The following ASTN1 variants were observed in gnomAD, a reference collection of about 807,000 sequenced individuals.
ASTN1 encodes astrotactin 1, also known as astrotactin-1.
In ASTN1, 41 loss-of-function variants were observed where a neutral mutation model predicts 140.7. The observed-to-expected ratio is 0.29, with a 90% CI of 0.23 to 0.38. The LOEUF is 0.38. ASTN1 is among the 10% of genes least tolerant of loss of function. ASTN1 has a pLI of 1.00. For synonymous variants in ASTN1, 640 were observed against 652.2 expected (o/e 0.98, Z 0.29); for missense variants, 1,479 against 1,678.8 (o/e 0.88, Z 2.08).
At chr1:176,958,890 C>T (rs756425004) in intron 9 of ASTN1, among the ~76,000 whole-genome samples, 2 of 152,188 alleles carry the variant, frequency 1.3e-5, no homozygotes, top group Non-Finnish European at 2.9e-5. Flanking sequence ...TGGCATCTCT[C>T]TGTGACTGGA....
Position 176,876,589 on chromosome 1 carries a change from G to A in ASTN1, c.3411C>T (p.Ser1137=), listed in dbSNP as rs143931548. The A allele has an allele frequency of 9.5e-4, 1,530 of 1,614,114 alleles. 3 individuals are homozygous for A. Among genetic ancestry groups the A allele is most frequent in the Non-Finnish European group, 1.2e-3 (1,362 of 1,180,018 alleles). ...VDNTGRRSRP[S]DVIVKTPCPV... ...GGCATGGGGTCTTCACGATCACGTC[G>A]CTTGGCCTGGAGCGCCGTCCTGTGT... Residue 1137 remains serine, a synonymous_variant, in exon 21 of 23, where the codon AGC becomes AGT. Transcript: ENST00000361833.
Position 177,032,476 on chromosome 1 carries a change from G to A in ASTN1, c.845C>T (p.Ser282Leu). 2 of 1,613,958 alleles carry A rather than the reference G, an allele frequency of 1.2e-6. No individual in the cohort carries two copies. ...CCCACCTGGTGTGAGGTCCATCCCC[G>A]ACTTTTCATTGCAGCCCTGCAGGGA... is the stretch of plus-strand genomic sequence containing the variant. ...LDSLQGCNEK[S>L]GMDLTPGSDN... Residue 282 changes from serine to leucine, a missense_variant, in exon 3 of 23, where the codon TCG (serine) becomes TTG (leucine). Ser to Leu is a moderately radical substitution (Grantham distance 145, BLOSUM62 -2). Coordinates refer to ENST00000361833, the MANE Select transcript of ASTN1 (RefSeq NM_004319.3).
intron 1 of ASTN1, among the ~76,000 whole-genome samples, chr1:177,160,608 C>G (rs1268117097): frequency 1.3e-5 from 2 of 152,140 alleles, no homozygotes; most frequent in East Asian, 3.8e-4. Context: ...CACAGAAAAC[C>G]TGGAAGCCAC....
intron 1 of ASTN1, among the ~76,000 whole-genome samples, chr1:177,142,047 GTCTC>G (rs1682496013): frequency 6.6e-6 from 1 of 152,156 alleles, no homozygotes; most frequent in African/African-American, 2.4e-5. Context: ...GGTGGTATCA[GTCTC>G]TAGCAGTATT....
At chr1:177,091,395 T>C (rs1679743803) in intron 1 of ASTN1, among the ~76,000 whole-genome samples, 2 of 152,194 alleles carry the variant, frequency 1.3e-5, no homozygotes, top group Admixed American at 6.5e-5. Flanking sequence ...TCCATGTTTA[T>C]TTTTACTAAA....
chr1:176,907,443 G>A (rs963744838), intron 16 of ASTN1, among the ~76,000 whole-genome samples: 1 of 152,132 alleles, frequency 6.6e-6, no homozygotes. Flanking sequence ...GGGTACAAGT[G>A]GCCTGATTTG....
At chr1:177,123,730 T>C (rs548223417) in intron 1 of ASTN1, among the ~76,000 whole-genome samples, 22 of 152,246 alleles carry the variant, frequency 1.4e-4, no homozygotes, top group East Asian at 3.9e-4. Context: ...AGTTACTTAC[T>C]GCAAACTGCC....
intron 22 of ASTN1, 102 bp from the exon 23 acceptor site, chr1:176,864,623 T>C (rs1459535701): frequency 1.3e-6 from 2 of 1,501,464 alleles, no homozygotes; most frequent in Non-Finnish European, 1.8e-6. Context: ...GAGGGAAGAG[T>C]GTGGTGTGTT....
chr1:177,095,314 T>C (rs1031536902), intron 1 of ASTN1, among the ~76,000 whole-genome samples: 13 of 152,204 alleles, frequency 8.5e-5, no homozygotes, highest in African/African-American at 3.1e-4. Flanking sequence ...AACCTTTTCA[T>C]AAGGAGATTA....
intron 17 of ASTN1, among the ~76,000 whole-genome samples, chr1:176,890,302 T>A (rs1248583775): frequency 6.6e-6 from 1 of 152,202 alleles, no homozygotes; most frequent in Non-Finnish European, 1.5e-5. Context: ...CGCGGAGGCC[T>A]CTATGAGGAT....
At chr1:176,968,255 T>A (rs1367124047) in intron 8 of ASTN1, among the ~76,000 whole-genome samples, 1 of 152,236 alleles carries the variant, frequency 6.6e-6, no homozygotes. Context: ...GTGCCACACA[T>A]AGAATCATTT....
rs542752550 is a variant in ASTN1, at chr1:176,980,155, G to A, written c.1524-14918C>T. ...CAAAGATTGGAGAAATTGAGGAGTT[G>A]AAACAACAATTTAGGGTGGAGAATT... On this transcript the variant is annotated intron_variant, in intron 8 of 22. Coordinates refer to ENST00000361833, the MANE Select transcript of ASTN1 (RefSeq NM_004319.3). Among the ~76,000 whole-genome samples, 4 of 152,202 alleles carry A rather than the reference G, an allele frequency of 2.6e-5. No individual in the cohort carries two copies. The South Asian group carries it at 8.3e-4, about 32-fold the overall frequency.
At chr1:176,983,678 A>T (rs1188172916) in intron 8 of ASTN1, among the ~76,000 whole-genome samples, 2 of 152,096 alleles carry the variant, frequency 1.3e-5, no homozygotes, top group Admixed American at 1.3e-4. Context: ...GGGTGTGAGG[A>T]TGTTTCCTTG....
chr1:177,134,108 C>G (rs754315163), intron 1 of ASTN1, among the ~76,000 whole-genome samples: 2 of 152,206 alleles, frequency 1.3e-5, no homozygotes, highest in Non-Finnish European at 2.9e-5. Flanking sequence ...CTAACATCTA[C>G]AAAATTCATC....
chr1:176,931,008 G>A (rs181255107), intron 16 of ASTN1, among the ~76,000 whole-genome samples: 206 of 152,178 alleles, frequency 1.4e-3, no homozygotes, highest in African/African-American at 4.2e-3. Context: ...AGGGATGGGC[G>A]CCGGCACGCA....
intron 8 of ASTN1, among the ~76,000 whole-genome samples, chr1:176,988,576 C>T (rs1409836553): frequency 6.6e-6 from 1 of 152,176 alleles, no homozygotes; most frequent in African/African-American, 2.4e-5. Flanking sequence ...TTGAGAGTCT[C>T]CAACTGATGT....
downstream of ASTN1, chr1:176,857,515 G>A (rs933833855): frequency 6.8e-6 from 3 of 440,802 alleles, no homozygotes; most frequent in East Asian, 3.5e-5. Flanking sequence ...AAGGTCACAC[G>A]GAGGAGACAG....
At chr1:176,991,436 C>CAAAAAAAAAAAAAAAAAAAAAAAAAAAA (rs1173420812) in intron 8 of ASTN1, among the ~76,000 whole-genome samples, 8 of 13,820 alleles carry the variant, frequency 5.8e-4, no homozygotes, top group Non-Finnish European at 9.3e-4. Flanking sequence ...AAAAAAAAAC[C>CAAAAAAAAAAAAAAAAAAAAAAAAAAAA]AAAAAAAAAA....
intron 1 of ASTN1, among the ~76,000 whole-genome samples, chr1:177,064,821 T>C (rs1678271450): frequency 6.6e-6 from 1 of 152,254 alleles, no homozygotes; most frequent in Non-Finnish European, 1.5e-5. Context: ...ACAGAAGTGC[T>C]ACAATGCTAA....
Sources: gnomAD v4.1 joint callset for allele counts (sites outside exome capture counted in the v4.1 genomes callset) on GRCh38, gnomAD v4.1.1 for gene constraint, MANE v1.5 for transcripts, NCBI Gene and HGNC (gene_info 2026-07-23, HGNC 2026-07-21) for gene names.